Variants in PPP3CA observed in about 807,000 individuals in gnomAD.
PPP3CA encodes CAM-PRP catalytic subunit.
Under a neutral mutation model 66.5 loss-of-function variants are expected in PPP3CA, and 14 were observed. The observed-to-expected ratio is 0.21, with a 90% CI of 0.14 to 0.33. The LOEUF is 0.33. Among genes scored for constraint, PPP3CA ranks in the 10% least tolerant of loss-of-function variants. PPP3CA has a pLI of 1.00. For missense variants in PPP3CA, 317 were observed against 639.5 expected, an observed-to-expected ratio of 0.50 and a Z score of 5.44; for synonymous variants, 232 against 226.2, an observed-to-expected ratio of 1.03 and a Z score of -0.23.
At chr4:101,121,692 AT>A (rs556204217) in intron 2 of PPP3CA, among the ~76,000 whole-genome samples, 1 of 152,094 alleles carries the variant, frequency 6.6e-6, no homozygotes, top group African/African-American at 2.4e-5. Context: ...AATAGTCATT[AT>A]TTTTTTGAAC....
chr4:101,197,565 T>G (rs1292997355), intron 1 of PPP3CA, among the ~76,000 whole-genome samples: 6 of 152,180 alleles, frequency 3.9e-5, no homozygotes, highest in African/African-American at 1.4e-4. Flanking sequence ...TTACCTCACC[T>G]GTGAAGTGAG....
intron 2 of PPP3CA, among the ~76,000 whole-genome samples, chr4:101,111,660 G>GT (rs1349386204): frequency 6.6e-6 from 1 of 152,100 alleles, no homozygotes; most frequent in Non-Finnish European, 1.5e-5. Context: ...AACCCTTGCT[G>GT]TATTACTTAC....
chr4:101,046,645 A>C (rs1727778199), intron 10 of PPP3CA, among the ~76,000 whole-genome samples: 1 of 152,140 alleles, frequency 6.6e-6, no homozygotes, highest in Non-Finnish European at 1.5e-5. Context: ...TTTACCACTC[A>C]CCACTTCCAA....
At chr4:101,342,091 C>G (rs546799853) in intron 1 of PPP3CA, among the ~76,000 whole-genome samples, 1 of 152,146 alleles carries the variant, frequency 6.6e-6, no homozygotes, top group South Asian at 2.1e-4. Context: ...TATTTCATCT[C>G]GCTAAAATTA....
intron 1 of PPP3CA, among the ~76,000 whole-genome samples, chr4:101,246,386 G>A (rs1255475677): frequency 6.6e-6 from 1 of 152,198 alleles, no homozygotes; most frequent in East Asian, 1.9e-4. Flanking sequence ...GAAGTCATAT[G>A]AACAACTATG....
At chr4:101,186,940 A>C (rs1472409117) in intron 2 of PPP3CA, among the ~76,000 whole-genome samples, 1 of 152,016 alleles carries the variant, frequency 6.6e-6, no homozygotes, top group Admixed American at 6.6e-5. Flanking sequence ...AAAATTTACT[A>C]CTCATTGGGC....
intron 1 of PPP3CA, among the ~76,000 whole-genome samples, chr4:101,208,530 G>A (rs945013459): frequency 9.9e-5 from 15 of 152,126 alleles, no homozygotes; most frequent in Non-Finnish European, 1.8e-4. Flanking sequence ...TATATTTCAC[G>A]ATAGTCCTAA....
At chr4:101,217,012 T>A (rs1403056100) in intron 1 of PPP3CA, among the ~76,000 whole-genome samples, 2 of 152,136 alleles carry the variant, frequency 1.3e-5, no homozygotes, top group African/African-American at 4.8e-5. Flanking sequence ...AAAATAAAAA[T>A]GTTCAAAAAA....
chr4:101,036,730 C>T (rs1048153896), intron 11 of PPP3CA, among the ~76,000 whole-genome samples: 1 of 152,150 alleles, frequency 6.6e-6, no homozygotes, highest in Non-Finnish European at 1.5e-5. Context: ...ACATTTCTAA[C>T]CCTCGCCTCT....
At chr4:101,263,243 C>T (rs190524177) in intron 1 of PPP3CA, among the ~76,000 whole-genome samples, 2 of 152,310 alleles carry the variant, frequency 1.3e-5, no homozygotes, top group South Asian at 2.1e-4. Context: ...AAATCTTAGA[C>T]TGACTAGTCC....
At chr4:101,052,385 T>C (rs1356135230) in intron 10 of PPP3CA, among the ~76,000 whole-genome samples, 2 of 152,078 alleles carry the variant, frequency 1.3e-5, no homozygotes, top group African/African-American at 2.4e-5. Flanking sequence ...TTAGTTTTAA[T>C]GATATACTAG....
chr4:101,342,058 AAATG>A (rs1180439359), intron 1 of PPP3CA, among the ~76,000 whole-genome samples: 10 of 152,198 alleles, frequency 6.6e-5, no homozygotes, highest in Non-Finnish European at 1.0e-4. Context: ...CAAAAGTTAT[AAATG>A]AATGGTCTAT....
intron 6 of PPP3CA, among the ~76,000 whole-genome samples, chr4:101,085,777 T>G (rs998313999): frequency 2.6e-5 from 4 of 152,090 alleles, no homozygotes; most frequent in African/African-American, 9.7e-5. Flanking sequence ...ACTTTTATGC[T>G]TTTTAATGGA....
chr4:101,192,578 T>C (rs1724640884), intron 2 of PPP3CA, among the ~76,000 whole-genome samples: 1 of 152,116 alleles, frequency 6.6e-6, no homozygotes, highest in Non-Finnish European at 1.5e-5. Context: ...TCAAAGAACA[T>C]AACTAGCCAC....
chr4:101,124,735 GAAAGAAAGAAAGAAAGAA>G (rs1722174092), intron 2 of PPP3CA, among the ~76,000 whole-genome samples: 3 of 68,608 alleles, frequency 4.4e-5, no homozygotes, highest in African/African-American at 6.3e-5. Context: ...GAGAAAGAAA[GAAAGAAAGAAAGAAAGAA>G]AGAAAGAAAG....
intron 5 of PPP3CA, among the ~76,000 whole-genome samples, chr4:101,095,715 G>A (rs1730165284): frequency 6.6e-6 from 1 of 152,136 alleles, no homozygotes; most frequent in African/African-American, 2.4e-5. Flanking sequence ...GCAGTGGCAC[G>A]ATCTCGGCTC....
Position 101,328,779 on chromosome 4 carries a change from G to A in PPP3CA, c.58+17960C>T, listed in dbSNP as rs1285332558. Among the ~76,000 whole-genome samples, 5 of 151,938 alleles carry A rather than the reference G, an allele frequency of 3.3e-5. No homozygotes were observed. In the East Asian group the frequency reaches 9.6e-4, roughly 29 times the overall value. On this transcript the variant is annotated intron_variant, in intron 1 of 13. Transcript: ENST00000394854. ...TTTTTCATTATTATTGTATGTTATGGTAATCTGTGATCCATGGTTTTGTAT... is the reference window on the plus strand; with the variant it reads ...TTTTTCATTATTATTGTATGTTATGATAATCTGTGATCCATGGTTTTGTAT...
intron 6 of PPP3CA, among the ~76,000 whole-genome samples, chr4:101,090,028 T>C (rs1729843538): frequency 6.6e-6 from 1 of 152,218 alleles, no homozygotes; most frequent in South Asian, 2.1e-4. Flanking sequence ...CTGAGAGCTG[T>C]GGATCAAAAT....
intron 10 of PPP3CA, among the ~76,000 whole-genome samples, chr4:101,055,749 T>C (rs1728198141): frequency 1.3e-5 from 2 of 152,140 alleles, no homozygotes; most frequent in Admixed American, 1.3e-4. Flanking sequence ...TCTTAGCCTA[T>C]GTTAAAATAA....
Sources: gnomAD v4.1 joint callset for allele counts (sites outside exome capture counted in the v4.1 genomes callset) on GRCh38, gnomAD v4.1.1 for gene constraint, MANE v1.5 for transcripts, NCBI Gene and HGNC (gene_info 2026-07-23, HGNC 2026-07-21) for gene names.